Variants in TENM3 observed in about 807,000 individuals in gnomAD.
TENM3 encodes the protein teneurin transmembrane protein 3.
In TENM3, 63 loss-of-function variants were observed where a neutral mutation model predicts 255.1. The ratio of observed to expected loss-of-function variants is 0.25; its 90% CI spans 0.20 to 0.30. TENM3 has a LOEUF of 0.30. Ranked by LOEUF, TENM3 falls within the 10% of genes least tolerant of loss-of-function variation. The pLI is 1.00. For missense variants in TENM3, 2,929 were observed against 3,461.1 expected, an observed-to-expected ratio of 0.85 and a Z score of 3.86; for synonymous variants, 1,306 against 1,322.3, an observed-to-expected ratio of 0.99 and a Z score of 0.27.
chr4:181,619,604 T>C, the TENM3 span, among the ~76,000 whole-genome samples: 6 of 151,868 alleles, frequency 4.0e-5, no homozygotes, highest in Non-Finnish European at 7.4e-5. Context: ...TTTTATTTTT[T>C]ATTTTGTAGA....
intron 2 of TENM3, among the ~76,000 whole-genome samples, chr4:182,335,562 A>T (rs1277359670): frequency 6.6e-6 from 1 of 150,808 alleles, no homozygotes; most frequent in Admixed American, 6.6e-5. Flanking sequence ...CTTATAATAA[A>T]GGTGGCAAGA....
intron 1 of TENM3, among the ~76,000 whole-genome samples, chr4:182,160,206 G>T (rs990822136): frequency 6.6e-6 from 1 of 151,554 alleles, no homozygotes; most frequent in African/African-American, 2.4e-5. Flanking sequence ...GTTTCACCGT[G>T]TTAGCCAGGA....
chr4:181,818,611 CTTT>C, the TENM3 span, among the ~76,000 whole-genome samples: 25 of 141,520 alleles, frequency 1.8e-4, no homozygotes, highest in African/African-American at 2.6e-4. Flanking sequence ...CAGTAAATCT[CTTT>C]TTTTTTTTTT....
intron 3 of TENM3, among the ~76,000 whole-genome samples, chr4:182,539,486 T>A (rs1276479161): frequency 6.6e-6 from 1 of 152,076 alleles, no homozygotes; most frequent in Non-Finnish European, 1.5e-5. Context: ...AGGAATAACA[T>A]GGTATCTGTA....
In TENM3 at chr4:182,688,360, A is replaced by G. The variant is rs1756753244; in HGVS notation, c.2221+9A>G. On this transcript the variant is annotated intron_variant, in intron 12 of 27. Transcript: ENST00000511685. ...AGAGCACTGCACTATCGGTAGGCTT[A>G]CTGCAAGTCTGTGTCTGTCCCCTTC... 6.4e-7 allele frequency: 1 copy of G among 1,571,334 alleles called. No individual in the cohort carries two copies. The highest frequency in any genetic ancestry group is 1.2e-5 in the South Asian group (1 of 86,386).
chr4:182,194,603 T>C (rs1753723554), intron 1 of TENM3, among the ~76,000 whole-genome samples: 2 of 152,178 alleles, frequency 1.3e-5, no homozygotes, highest in African/African-American at 4.8e-5. Flanking sequence ...GATTATGTGA[T>C]CTTTTTTTAA....
chr4:181,858,769 A>G, the TENM3 span, among the ~76,000 whole-genome samples: 1 of 152,176 alleles, frequency 6.6e-6, no homozygotes, highest in East Asian at 1.9e-4. Flanking sequence ...GACGGGCCAG[A>G]GAATTCACAT....
chr4:181,953,476 C>G, the TENM3 span, among the ~76,000 whole-genome samples: 86,111 of 151,902 alleles, frequency 0.57, 25,017 homozygotes, highest in African/African-American at 0.66. Flanking sequence ...TGTCCTGCTA[C>G]ATCGATGGAT....
At chr4:182,023,617 T>G in the TENM3 span, among the ~76,000 whole-genome samples, 1 of 152,210 alleles carries the variant, frequency 6.6e-6, no homozygotes, top group Non-Finnish European at 1.5e-5. Context: ...TGGCCCCCTG[T>G]GCATGGAAAA....
At chr4:181,846,750 G>A in the TENM3 span, among the ~76,000 whole-genome samples, 270 of 152,180 alleles carry the variant, frequency 1.8e-3, 2 homozygotes, top group Non-Finnish European at 3.1e-3. Context: ...TACATTCTGG[G>A]AAATACTGGA....
At chr4:182,563,451 G>T (rs1743432657) in intron 3 of TENM3, among the ~76,000 whole-genome samples, 1 of 151,998 alleles carries the variant, frequency 6.6e-6, no homozygotes, top group African/African-American at 2.4e-5. Context: ...AAGAATTTAG[G>T]CTTAGAGAGG....
At chr4:182,068,193 C>A in the TENM3 span, among the ~76,000 whole-genome samples, 2 of 151,898 alleles carry the variant, frequency 1.3e-5, no homozygotes, top group Admixed American at 6.6e-5. Context: ...AAACCCTTTG[C>A]GGATAGAATA....
the TENM3 span, among the ~76,000 whole-genome samples, chr4:181,759,409 C>A: frequency 2.0e-4 from 30 of 151,796 alleles, no homozygotes; most frequent in African/African-American, 7.0e-4. Context: ...TAAGGATAAA[C>A]AAGAAGTGCC....
At chr4:182,680,407 G>T (rs542029000) in intron 9 of TENM3, 58 bp downstream of exon 9, 2 of 1,208,634 alleles carry the variant, frequency 1.7e-6, no homozygotes, top group African/African-American at 1.5e-5. Flanking sequence ...AAACACAAGT[G>T]ATTCCAAAAA....
chr4:182,507,601 A>T lies in TENM3; in HGVS notation c.512-93323A>T, dbSNP rs556996079. Among the ~76,000 whole-genome samples, 3 of 152,344 alleles carry T rather than the reference A, an allele frequency of 2.0e-5. No individual in the cohort carries two copies. In the East Asian group the frequency reaches 5.8e-4, roughly 29 times the overall value. Reference sequence around the variant, plus strand: ...AAGCTTTTTCCCCATTGAAGAGAGAACACTAAATTGTCAGTATGTACTCAT... The same window carrying T: ...AAGCTTTTTCCCCATTGAAGAGAGATCACTAAATTGTCAGTATGTACTCAT... On this transcript the variant is annotated intron_variant, in intron 3 of 27. Transcript: ENST00000511685.
At chr4:181,958,283 A>T in the TENM3 span, among the ~76,000 whole-genome samples, 9 of 152,312 alleles carry the variant, frequency 5.9e-5, no homozygotes, top group African/African-American at 2.2e-4. Context: ...GTTAGAGTGA[A>T]AATCAGTTCA....
intron 1 of TENM3, among the ~76,000 whole-genome samples, chr4:182,224,878 A>C (rs1756050196): frequency 6.6e-6 from 1 of 151,866 alleles, no homozygotes; most frequent in African/African-American, 2.4e-5. Context: ...CTGGGATTAC[A>C]GTCACGCGCC....
chr4:182,736,819 G>T lies in TENM3; in HGVS notation c.2979G>T (p.Glu993Asp). 1 of 1,612,908 alleles carries T rather than the reference G, an allele frequency of 6.2e-7. No individual in the cohort carries two copies. The highest frequency in any genetic ancestry group is 8.5e-7 in the Non-Finnish European group (1 of 1,179,562). ...PIIPETQVLH[E>D]ETTIPGTDLK... ...TTATTCAAACTTAGGTACTCCACGA[G>T]GAAACTACAATTCCAGGAACAGATT... The change falls in exon 17 of 28, where the codon GAG becomes GAT. Residue 993 changes from glutamate (E) to aspartate (D), a missense_variant. By Grantham distance (45) the Glu-to-Asp change is conservative. This residue lies in a region of TENM3 where 1,608 missense variants were observed against 1,884.4 expected (regional missense o/e 0.85). Coordinates refer to ENST00000511685, the MANE Select transcript of TENM3 (RefSeq NM_001080477.4).
the TENM3 span, among the ~76,000 whole-genome samples, chr4:181,614,873 A>G: frequency 6.6e-6 from 1 of 152,196 alleles, no homozygotes; most frequent in Non-Finnish European, 1.5e-5. Flanking sequence ...TGGAGGTAAA[A>G]GAGAAAGTAT....
Sources: gnomAD v4.1 joint callset for allele counts (sites outside exome capture counted in the v4.1 genomes callset) on GRCh38, gnomAD v4.1.1 for gene constraint, gnomAD v4.1.1 regional missense constraint, MANE v1.5 for transcripts, NCBI Gene and HGNC (gene_info 2026-07-23, HGNC 2026-07-21) for gene names.